SLC24A3: variants seen among roughly 807,000 people sequenced by gnomAD.
SLC24A3 encodes the protein solute carrier family 24 member 3, also known as sodium/potassium/calcium exchanger 3.
SLC24A3 carries 28 observed loss-of-function variants against 75.8 expected under a neutral mutation model. That is an observed-to-expected ratio of 0.37 (90% CI 0.27 to 0.51). The LOEUF (loss-of-function observed/expected upper bound fraction) is 0.51, where lower values mean the gene tolerates loss of function less well. Among genes scored for constraint, SLC24A3 ranks in the 20% least tolerant of loss-of-function variants. The pLI is 0.94. For missense variants in SLC24A3, 663 were observed against 847.8 expected, an observed-to-expected ratio of 0.78 and a Z score of 2.71; for synonymous variants, 372 against 334.1, an observed-to-expected ratio of 1.11 and a Z score of -1.24.
chr20:19,334,480 G>T (rs1050465705), intron 2 of SLC24A3, among the ~76,000 whole-genome samples: 1 of 151,794 alleles, frequency 6.6e-6, no homozygotes, highest in African/African-American at 2.4e-5. Flanking sequence ...ATTTTTTTCT[G>T]AGCTCTCATA....
intron 16 of SLC24A3, among the ~76,000 whole-genome samples, chr20:19,720,285 C>T (rs1025227735): frequency 3.3e-5 from 5 of 152,152 alleles, no homozygotes; most frequent in African/African-American, 1.2e-4. Flanking sequence ...AGGATGAGGA[C>T]TTGATGGGGC....
At chr20:19,429,075 T>G (rs974507619) in intron 2 of SLC24A3, among the ~76,000 whole-genome samples, 1 of 152,240 alleles carries the variant, frequency 6.6e-6, no homozygotes, top group Admixed American at 6.5e-5. Context: ...CAGAAATAAT[T>G]TCCCCTCTGT....
At chr20:19,569,750 C>T (rs2031021651) in intron 3 of SLC24A3, among the ~76,000 whole-genome samples, 1 of 152,138 alleles carries the variant, frequency 6.6e-6, no homozygotes. Context: ...TGCTCTTAAC[C>T]CCCTTCCCCA....
chr20:19,294,179 A>G (rs1445387297), intron 2 of SLC24A3, among the ~76,000 whole-genome samples: 6 of 152,154 alleles, frequency 3.9e-5, no homozygotes, highest in African/African-American at 1.4e-4. Flanking sequence ...TTTTTAATGG[A>G]AAACTCTAGC....
intron 13 of SLC24A3, 91 bp from the exon 14 acceptor site, chr20:19,696,706 C>G: frequency 2.4e-6 from 2 of 833,846 alleles, no homozygotes; most frequent in South Asian, 3.0e-5. Flanking sequence ...TAGCCCAGAC[C>G]ATAGCCTGTT....
At chr20:19,676,621 G>GA (rs796512659) in intron 9 of SLC24A3, among the ~76,000 whole-genome samples, 10 of 152,056 alleles carry the variant, frequency 6.6e-5, no homozygotes, top group African/African-American at 1.7e-4. Flanking sequence ...CAGTAGTTAA[G>GA]AAAAAAAACA....
chr20:19,325,982 A>G (rs1239787173), intron 2 of SLC24A3, among the ~76,000 whole-genome samples: 1 of 151,932 alleles, frequency 6.6e-6, no homozygotes, highest in Non-Finnish European at 1.5e-5. Context: ...GACTGCAACC[A>G]GTCACATGAG....
intron 6 of SLC24A3, among the ~76,000 whole-genome samples, chr20:19,645,086 T>G (rs936472980): frequency 9.2e-5 from 14 of 152,348 alleles, no homozygotes; most frequent in Non-Finnish European, 1.0e-4. Context: ...TCAGAGTGAA[T>G]GGCTAACTCT....
At position 19,524,043 on chromosome 20, in the gene SLC24A3, G is replaced by A. The variant is rs1053946175; in HGVS notation, c.348+8479G>A. On this transcript the variant is annotated intron_variant, in intron 3 of 16. Transcript: ENST00000328041. ...GGTGGATAAATGCCTGTTCCCTCTC[G>A]CTTCAGCTGGGCTAACAGAAACACA... 5.9e-5 allele frequency among the ~76,000 whole-genome samples: 9 copies of A among 152,204 alleles called. No individual in the cohort carries two copies. The East Asian group carries it at 1.2e-3, about 20-fold the overall frequency.
intron 6 of SLC24A3, among the ~76,000 whole-genome samples, chr20:19,646,679 G>C (rs375739085): frequency 1.3e-5 from 2 of 152,186 alleles, no homozygotes; most frequent in Non-Finnish European, 2.9e-5. Context: ...GATCAAGAGG[G>C]AGAACAGTCA....
chr20:19,427,644 T>A (rs1467826389), intron 2 of SLC24A3, among the ~76,000 whole-genome samples: 1 of 152,178 alleles, frequency 6.6e-6, no homozygotes, highest in Non-Finnish European at 1.5e-5. Flanking sequence ...CCCACTGCCG[T>A]GCCTCTGCCT....
chr20:19,461,822 C>T (rs1026464996), intron 2 of SLC24A3, among the ~76,000 whole-genome samples: 52 of 152,142 alleles, frequency 3.4e-4, no homozygotes, highest in African/African-American at 1.1e-3. Flanking sequence ...AGTGAGCCAT[C>T]GTGCCTGGCC....
intron 2 of SLC24A3, among the ~76,000 whole-genome samples, chr20:19,463,709 G>A (rs542961504): frequency 3.8e-4 from 58 of 152,344 alleles, no homozygotes; most frequent in African/African-American, 1.2e-3. Flanking sequence ...GGCCACATGT[G>A]CGGATTGAGA....
chr20:19,391,804 G>C (rs1319957041), intron 2 of SLC24A3, among the ~76,000 whole-genome samples: 2 of 152,192 alleles, frequency 1.3e-5, no homozygotes, highest in Non-Finnish European at 2.9e-5. Context: ...AAATGCAGAG[G>C]TTTTTCCTTA....
chr20:19,251,582 C>T (rs552136831), intron 1 of SLC24A3, among the ~76,000 whole-genome samples: 28 of 152,232 alleles, frequency 1.8e-4, no homozygotes, highest in Admixed American at 6.5e-4. Flanking sequence ...CAGCTCTAGC[C>T]GGGGTCTCAG....
At position 19,665,881 on chromosome 20, in the gene SLC24A3, A is replaced by T. The variant is rs751918306; in HGVS notation, c.705A>T (p.Lys235Asn). Residue 235 changes from lysine to asparagine, a missense_variant, in exon 8 of 17, where the codon AAA (lysine) becomes AAT (asparagine). Coordinates refer to ENST00000328041, the MANE Select transcript of SLC24A3 (RefSeq NM_020689.4). ...IALIVFIYDE[K>N]VSWWESLVLV... ...TTTCACAGTTTATTTATGATGAAAA[A>T]GTTTCCTGGTAAGTACCTCTCTTTC... 1.9e-6 allele frequency: 3 copies of T among 1,610,748 alleles called. No homozygotes were observed. The highest frequency in any genetic ancestry group is 2.5e-6 in the Non-Finnish European group (3 of 1,178,792).
At chr20:19,453,506 G>C (rs532134251) in intron 2 of SLC24A3, among the ~76,000 whole-genome samples, 2 of 152,284 alleles carry the variant, frequency 1.3e-5, no homozygotes, top group Admixed American at 6.5e-5. Context: ...GAGTCTCTTG[G>C]GAGCCTGACC....
At chr20:19,708,433 A>T (rs560991377) in intron 15 of SLC24A3, among the ~76,000 whole-genome samples, 1 of 152,186 alleles carries the variant, frequency 6.6e-6, no homozygotes, top group African/African-American at 2.4e-5. Context: ...ACCATTCCGA[A>T]TTCAGGCTCC....
intron 2 of SLC24A3, among the ~76,000 whole-genome samples, chr20:19,318,695 G>A (rs1014846267): frequency 3.3e-5 from 5 of 152,050 alleles, no homozygotes; most frequent in African/African-American, 9.7e-5. Flanking sequence ...GAATACTGCT[G>A]TGCACCTGAG....
Sources: gnomAD v4.1 joint callset for allele counts (sites outside exome capture counted in the v4.1 genomes callset) on GRCh38, gnomAD v4.1.1 for gene constraint, MANE v1.5 for transcripts, NCBI Gene and HGNC (gene_info 2026-07-23, HGNC 2026-07-21) for gene names.